ENPP3: variants seen among roughly 807,000 people sequenced by gnomAD.
ENPP3 encodes the protein ectonucleotide pyrophosphatase/phosphodiesterase family member 3.
Under a neutral mutation model 117.8 loss-of-function variants are expected in ENPP3, and 104 were observed. The observed-to-expected ratio is 0.88, with a 90% confidence interval of 0.75 to 1.04. The LOEUF (loss-of-function observed/expected upper bound fraction) is 1.04. ENPP3 is among the 50% of genes least tolerant of loss of function. The pLI, the probability that ENPP3 is intolerant of heterozygous loss-of-function variation, is 0.00. For missense variants in ENPP3, 1,026 were observed against 1,051.9 expected, an observed-to-expected ratio of 0.98 and a Z score of 0.34; for synonymous variants, 380 against 349.9, an observed-to-expected ratio of 1.09 and a Z score of -0.96.
chr6:131,740,162 T>A, intron 23 of ENPP3, 62 bp from the exon 24 acceptor site: 1 of 1,301,526 alleles, frequency 7.7e-7, no homozygotes, highest in Non-Finnish European at 1.0e-6. Context: ...GTAAACACAC[T>A]TATCACCTTT....
chr6:131,679,022 CTTCCTTCTTTCTTTCT>C (rs1562446848), intron 11 of ENPP3, among the ~76,000 whole-genome samples: 2 of 59,124 alleles, frequency 3.4e-5, no homozygotes, highest in African/African-American at 1.5e-4. Flanking sequence ...TCCTTCCTTC[CTTCCTTCTTTCTTTCT>C]TTCTTTCTTT....
chr6:131,739,960 G>T (rs991534395), intron 23 of ENPP3, among the ~76,000 whole-genome samples: 14 of 150,986 alleles, frequency 9.3e-5, no homozygotes, highest in African/African-American at 3.2e-4. Flanking sequence ...ATATATGTGT[G>T]TGTGTCTTTA....
intron 22 of ENPP3, among the ~76,000 whole-genome samples, chr6:131,737,786 C>T (rs999558334): frequency 1.3e-5 from 2 of 152,020 alleles, no homozygotes; most frequent in Non-Finnish European, 2.9e-5. Context: ...GCAACTCAGC[C>T]CTAGGGAGAA....
Position 131,712,400 on chromosome 6 carries a change from A to G in ENPP3, c.1413-6272A>G, listed in dbSNP as rs1779808232. ...TTTTAAGCTGTGTTATGATAATTAT[A>G]TTTTATTTTCCTCTTAGAACATATG... On this transcript the variant is annotated intron_variant, in intron 15 of 24. Transcript: ENST00000357639. Among the ~76,000 whole-genome samples the G allele has an allele frequency of 2.0e-5, 3 of 148,516 alleles. No homozygotes were observed. In the South Asian group the frequency reaches 6.4e-4, roughly 31 times the overall value.
intron 24 of ENPP3, among the ~76,000 whole-genome samples, chr6:131,745,124 T>TATA (rs1364556761): frequency 6.6e-6 from 1 of 152,112 alleles, no homozygotes; most frequent in African/African-American, 2.4e-5. Context: ...AGTAGAGTCG[T>TATA]ATAAACCAAA....
Position 131,678,989 on chromosome 6 carries a change from CCTTCCTTCCTTG to C in ENPP3, c.1011+1061_1011+1072del, listed in dbSNP as rs1364269610. On this transcript the variant is annotated intron_variant, in intron 11 of 24. Transcript: ENST00000357639. ...TCCTTCCTTCCTTCCTTCCTTCCTT[CCTTCCTTCCTTG>C]CTTCCTTCCTTCCTTCCTTCCTTCC... is the stretch of plus-strand genomic sequence containing the variant. Among the ~76,000 whole-genome samples the C allele has an allele frequency of 1.9e-3, 192 of 103,244 alleles. 4 individuals are homozygous for C. The highest frequency in any genetic ancestry group is 5.4e-3 in the African/African-American group (100 of 18,686). 67.7% of individuals were successfully genotyped at this position (103,244 alleles called of 152,430 possible).
intron 5 of ENPP3, among the ~76,000 whole-genome samples, chr6:131,655,510 G>A (rs548179221): frequency 1.1e-4 from 17 of 152,154 alleles, no homozygotes; most frequent in Non-Finnish European, 2.1e-4. Flanking sequence ...CATAGGCTGA[G>A]CCCGTGATGC....
chr6:131,668,772 T>C (rs980802422), intron 6 of ENPP3, among the ~76,000 whole-genome samples: 2 of 152,268 alleles, frequency 1.3e-5, no homozygotes, highest in Non-Finnish European at 2.9e-5. Context: ...CTGGTCTTCC[T>C]ACTTTTCCTT....
intron 7 of ENPP3, among the ~76,000 whole-genome samples, chr6:131,672,565 A>C (rs1778768550): frequency 6.6e-6 from 1 of 152,102 alleles, no homozygotes; most frequent in Non-Finnish European, 1.5e-5. Flanking sequence ...TCAGGAACCT[A>C]ACTCTCTATT....
At chr6:131,685,982 T>A (rs1389476055) in intron 14 of ENPP3, 75 bp downstream of exon 14, 1 of 536,178 alleles carries the variant, frequency 1.9e-6, no homozygotes, top group Non-Finnish European at 3.4e-6. Context: ...GAGAAATTCA[T>A]ATTGTATATT....
chr6:131,720,867 G>A (rs1780003307), intron 17 of ENPP3, among the ~76,000 whole-genome samples: 3 of 152,146 alleles, frequency 2.0e-5, no homozygotes, highest in Non-Finnish European at 4.4e-5. Flanking sequence ...TTACGGGCAT[G>A]AGCTACCATG....
intron 21 of ENPP3, among the ~76,000 whole-genome samples, chr6:131,736,042 A>G (rs138581596): frequency 1.3e-5 from 2 of 152,382 alleles, no homozygotes; most frequent in Non-Finnish European, 2.9e-5. Flanking sequence ...GCAGCTTTTA[A>G]TCCTCACAAT....
Position 131,722,242 on chromosome 6 carries a change from A to G in ENPP3, c.1583A>G (p.Gln528Arg). 6.2e-7 allele frequency: 1 copy of G among 1,613,208 alleles called. No individual in the cohort carries two copies. The highest frequency in any genetic ancestry group is 8.5e-7 in the Non-Finnish European group (1 of 1,179,700). The change falls in exon 18 of 25, where the codon CAA becomes CGA. Residue 528 changes from glutamine (Q) to arginine (R), a missense_variant. Physicochemically the swap from Gln to Arg is conservative, Grantham distance 43 (BLOSUM62 1). Coordinates refer to ENST00000357639, the MANE Select transcript of ENPP3 (RefSeq NM_005021.5). ...CAAAAAACAGATCTTCTACGCATTC[A>G]ACCAGCACCAAACAATGGAACCCAT... Reference protein sequence around the residue: ...YNLMCDLLRIQPAPNNGTHGS... With the variant: ...YNLMCDLLRIRPAPNNGTHGS...
intron 14 of ENPP3, among the ~76,000 whole-genome samples, chr6:131,692,819 A>ATGATATG (rs976495389): frequency 7.0e-6 from 1 of 143,884 alleles, no homozygotes; most frequent in African/African-American, 2.6e-5. Context: ...TATATGATAT[A>ATGATATG]TGATATGATA....
intron 11 of ENPP3, among the ~76,000 whole-genome samples, chr6:131,681,157 A>T (rs1213412804): frequency 1.3e-5 from 2 of 152,186 alleles, no homozygotes; most frequent in Non-Finnish European, 2.9e-5. Flanking sequence ...ACTAAGACTG[A>T]AGGCCAGGAA....
intron 14 of ENPP3, among the ~76,000 whole-genome samples, chr6:131,693,055 T>TTTATATATTATATATTATATATGG (rs1379620808): frequency 4.1e-5 from 6 of 145,910 alleles, no homozygotes; most frequent in South Asian, 2.1e-4. Flanking sequence ...AATATATATG[T>TTTATATATTATATATTATATATGG]TTATATATTA....
At chr6:131,659,022 C>T (rs1224815073) in intron 6 of ENPP3, among the ~76,000 whole-genome samples, 4 of 152,294 alleles carry the variant, frequency 2.6e-5, no homozygotes, top group East Asian at 3.9e-4. Flanking sequence ...CAAAAAATAG[C>T]TGTTTGATAT....
chr6:131,678,664 C>T (rs1227942372), intron 11 of ENPP3, among the ~76,000 whole-genome samples: 2 of 152,184 alleles, frequency 1.3e-5, no homozygotes, highest in East Asian at 1.9e-4. Flanking sequence ...CAAGCATATT[C>T]GCTCTGGCAG....
At chr6:131,740,626 A>AT in intron 24 of ENPP3, among the ~76,000 whole-genome samples, 1 of 152,166 alleles carries the variant, frequency 6.6e-6, no homozygotes, top group Non-Finnish European at 1.5e-5. Context: ...TATACGTTTT[A>AT]TTCACATTCA....
Sources: gnomAD v4.1 joint callset for allele counts (sites outside exome capture counted in the v4.1 genomes callset) on GRCh38, gnomAD v4.1.1 for gene constraint, MANE v1.5 for transcripts, NCBI Gene and HGNC (gene_info 2026-07-23, HGNC 2026-07-21) for gene names.